The following EIF4G3 variants were observed in gnomAD, a reference collection of about 807,000 sequenced individuals.
EIF4G3 encodes eIF-4-gamma 3.
Under a neutral mutation model 186.4 loss-of-function variants are expected in EIF4G3, and 34 were observed. The observed-to-expected ratio is 0.18, with a 90% CI of 0.14 to 0.24. The LOEUF (loss-of-function observed/expected upper bound fraction) is 0.24, where lower values mean the gene tolerates loss of function less well. Ranked by LOEUF, EIF4G3 falls within the 10% of genes least tolerant of loss-of-function variation. The pLI is 1.00. For missense variants in EIF4G3, 1,536 were observed against 1,948.5 expected, an observed-to-expected ratio of 0.79 and a Z score of 3.99; for synonymous variants, 673 against 679.5, an observed-to-expected ratio of 0.99 and a Z score of 0.15.
At chr1:21,146,794 G>A (rs1446065190) in intron 2 of EIF4G3, among the ~76,000 whole-genome samples, 2 of 151,908 alleles carry the variant, frequency 1.3e-5, no homozygotes, top group Non-Finnish European at 2.9e-5. Context: ...ATATTATATG[G>A]TGACAATAGC....
chr1:21,127,566 A>C (rs1322634543), intron 2 of EIF4G3, among the ~76,000 whole-genome samples: 1 of 152,220 alleles, frequency 6.6e-6, no homozygotes, highest in African/African-American at 2.4e-5. Flanking sequence ...TTGTTGAATA[A>C]AGGAACAAAT....
intron 2 of EIF4G3, among the ~76,000 whole-genome samples, chr1:21,135,461 A>G (rs1404497878): frequency 6.6e-6 from 1 of 152,240 alleles, no homozygotes; most frequent in Non-Finnish European, 1.5e-5. Context: ...AGATCGTGGC[A>G]TTGCACTCCA....
At chr1:21,167,904 T>A (rs2097885298) in intron 2 of EIF4G3, 1 of 319,292 alleles carries the variant, frequency 3.1e-6, no homozygotes, top group African/African-American at 2.2e-5. Flanking sequence ...TGAGTTTTAA[T>A]CTTGCAAATA....
intron 33 of EIF4G3, among the ~76,000 whole-genome samples, chr1:20,820,220 T>A (rs1028176406): frequency 6.6e-6 from 1 of 151,790 alleles, no homozygotes; most frequent in Non-Finnish European, 1.5e-5. Context: ...CGCAGCTGCC[T>A]GACCTGCGGC....
At chr1:20,834,892 A>G (rs1057371414) in intron 30 of EIF4G3, among the ~76,000 whole-genome samples, 1 of 152,242 alleles carries the variant, frequency 6.6e-6, no homozygotes, top group African/African-American at 2.4e-5. Context: ...AAAAATATAC[A>G]GAACATTCCA....
At chr1:21,168,993 C>T (rs912206783) in intron 2 of EIF4G3, among the ~76,000 whole-genome samples, 2 of 152,016 alleles carry the variant, frequency 1.3e-5, no homozygotes, top group Admixed American at 6.6e-5. Context: ...GCCTGGGTAA[C>T]ATGGCAAAAC....
At chr1:20,880,594 T>C (rs1244236336) in intron 19 of EIF4G3, among the ~76,000 whole-genome samples, 1 of 151,914 alleles carries the variant, frequency 6.6e-6, no homozygotes, top group Admixed American at 6.6e-5. Context: ...GTACTAAAAA[T>C]AGAAAAATTA....
chr1:21,161,665 T>G (rs1178959096), intron 2 of EIF4G3: 1 of 151,796 alleles, frequency 6.6e-6, no homozygotes. Context: ...AACCAGTCAG[T>G]GTAAAAGTTG....
rs888496129 is a variant in EIF4G3, at chr1:21,176,584, GCCGCCGCCT to G, written c.-456+129_-456+137del. ...CACGCCCGACGCCGCCGCCGCCGCC[GCCGCCGCCT>G]CCGCCGCCGCCGCCGCCGGCAGCAG... On this transcript the variant is annotated intron_variant, in intron 1 of 36. Transcript: ENST00000602326. 39 of 163,392 alleles carry G rather than the reference GCCGCCGCCT, an allele frequency of 2.4e-4. 2 individuals are homozygous for G. The highest frequency in any genetic ancestry group is 1.1e-3 in the East Asian group (6 of 5,652). 10.1% of individuals were successfully genotyped at this position (163,392 alleles called of 1,614,324 possible). A position where few individuals can be genotyped will look rare whatever the true frequency, so the allele number is the denominator to read the frequency against.
At chr1:21,063,982 C>G (rs891619769) in intron 3 of EIF4G3, among the ~76,000 whole-genome samples, 4 of 151,918 alleles carry the variant, frequency 2.6e-5, no homozygotes, top group Non-Finnish European at 4.4e-5. Context: ...CCTGCCTCAG[C>G]CTCCCAAAGT....
chr1:21,002,753 G>A lies in EIF4G3; in HGVS notation c.-11C>T. 2 of 1,613,768 alleles carry A rather than the reference G, an allele frequency of 1.2e-6. No individual in the cohort carries two copies. The highest frequency in any genetic ancestry group is 2.2e-5 in the East Asian group (1 of 44,852). On this transcript the variant is annotated 5_prime_UTR_variant, in exon 5 of 37. Coordinates refer to ENST00000602326, the MANE Select transcript of EIF4G3 (RefSeq NM_001391906.1). ...AGGTTGTGAATTCATTGTCTGAGGG[G>A]TTTGAGGGTATACCAGCGTGGTTGG...
intron 2 of EIF4G3, among the ~76,000 whole-genome samples, chr1:21,103,840 T>C (rs2096569076): frequency 6.6e-6 from 1 of 152,050 alleles, no homozygotes; most frequent in Admixed American, 6.6e-5. Context: ...CAAGACTCTG[T>C]CTCAGAACAA....
intron 2 of EIF4G3, among the ~76,000 whole-genome samples, chr1:21,101,125 T>A (rs2096508804): frequency 6.6e-6 from 1 of 152,044 alleles, no homozygotes; most frequent in Non-Finnish European, 1.5e-5. Flanking sequence ...AAAAAAGAGA[T>A]CAAAGTTTAA....
intron 29 of EIF4G3, among the ~76,000 whole-genome samples, chr1:20,844,348 G>C (rs1028062082): frequency 1.3e-5 from 2 of 152,108 alleles, no homozygotes; most frequent in Non-Finnish European, 2.9e-5. Flanking sequence ...ATTCTGACTG[G>C]TATTAGATGG....
intron 2 of EIF4G3, among the ~76,000 whole-genome samples, chr1:21,140,281 CA>C (rs1317858359): frequency 1.3e-5 from 2 of 152,168 alleles, no homozygotes; most frequent in East Asian, 3.9e-4. Flanking sequence ...TTCTTCCTTT[CA>C]CTAAAATTGA....
At chr1:21,079,050 G>T (rs1366761291) in intron 3 of EIF4G3, among the ~76,000 whole-genome samples, 2 of 152,094 alleles carry the variant, frequency 1.3e-5, no homozygotes, top group African/African-American at 4.8e-5. Flanking sequence ...TTTAAAAGCA[G>T]AGATGTAAAG....
At position 20,829,119 on chromosome 1, in the gene EIF4G3, T is replaced by C. The variant is rs372940639; in HGVS notation, c.4187+28A>G. ...AGTTATTAGTCAGTTCTACCTGATA[T>C]ATATCAAGAGAAACAAGTATAACTT... On this transcript the variant is annotated intron_variant, in intron 31 of 36. Coordinates refer to ENST00000602326, the MANE Select transcript of EIF4G3 (RefSeq NM_001391906.1). 1.2e-4 allele frequency: 188 copies of C among 1,611,454 alleles called. 1 individual carries two copies. Among genetic ancestry groups the C allele is most frequent in the South Asian group, 6.8e-4 (62 of 90,616 alleles).
chr1:20,929,773 G>A (rs2095200329), intron 14 of EIF4G3, among the ~76,000 whole-genome samples: 1 of 152,110 alleles, frequency 6.6e-6, no homozygotes, highest in African/African-American at 2.4e-5. Flanking sequence ...TTCACCCATG[G>A]TCACAGAGAT....
intron 3 of EIF4G3, among the ~76,000 whole-genome samples, chr1:21,082,079 A>T (rs1030651001): frequency 6.6e-6 from 1 of 151,244 alleles, no homozygotes; most frequent in Non-Finnish European, 1.5e-5. Context: ...GACAAGTGTG[A>T]GCCACCGTGC....
Sources: allele counts gnomAD v4.1 joint callset (sites outside exome capture counted in the v4.1 genomes callset), GRCh38; gene constraint gnomAD v4.1.1; transcripts MANE v1.5; gene names NCBI Gene and HGNC (gene_info 2026-07-23, HGNC 2026-07-21).